The following HSD17B12 variants were observed in gnomAD, a reference collection of about 807,000 sequenced individuals.
The protein encoded by HSD17B12 is hydroxysteroid 17-beta dehydrogenase 12, also known as very-long-chain 3-oxoacyl-CoA reductase.
In HSD17B12, 32 loss-of-function variants were observed where a neutral mutation model predicts 39.3. The observed-to-expected ratio is 0.81, with a 90% CI of 0.61 to 1.09. HSD17B12 has a LOEUF of 1.09. Ranked by LOEUF, HSD17B12 falls within the 50% of genes least tolerant of loss-of-function variation. The pLI, the probability that HSD17B12 is intolerant of heterozygous loss-of-function variation, is 0.00. For missense variants in HSD17B12, 342 were observed against 382.9 expected, an observed-to-expected ratio of 0.89 and a Z score of 0.89; for synonymous variants, 150 against 146.7, an observed-to-expected ratio of 1.02 and a Z score of -0.16.
At chr11:43,562,038 G>A in the HSD17B12 span, among the ~76,000 whole-genome samples, 8 of 152,086 alleles carry the variant, frequency 5.3e-5, no homozygotes, top group Non-Finnish European at 8.8e-5. Context: ...AAATTATTTC[G>A]CTTCTTCGTA....
chr11:43,581,258 G>T, the HSD17B12 span: 2 of 454,926 alleles, frequency 4.4e-6, no homozygotes, highest in Admixed American at 2.4e-5. The surrounding 1 kb of genome is among the most constrained non-coding windows in gnomAD (Gnocchi z 4.9). Context: ...CCAGGGGCGC[G>T]GAGGGGCGGG....
chr11:43,633,515 G>A, the HSD17B12 span, among the ~76,000 whole-genome samples: 27,799 of 152,076 alleles, frequency 0.18, 3,032 homozygotes, highest in Middle Eastern at 0.27. Flanking sequence ...CTGGGTGACA[G>A]AGTGAGACCT....
intron 1 of HSD17B12, among the ~76,000 whole-genome samples, chr11:43,745,800 G>A (rs1024565512): frequency 3.9e-5 from 6 of 152,160 alleles, no homozygotes; most frequent in African/African-American, 1.2e-4. Flanking sequence ...GAAGGCCGAG[G>A]TGGGAGCATT....
the HSD17B12 span, among the ~76,000 whole-genome samples, chr11:43,573,106 A>C: frequency 6.6e-6 from 1 of 152,228 alleles, no homozygotes; most frequent in African/African-American, 2.4e-5. Flanking sequence ...TGGGGGAACG[A>C]GTCCTCCTCA....
chr11:43,679,011 T>C (rs1949716704), upstream of HSD17B12, among the ~76,000 whole-genome samples: 1 of 152,234 alleles, frequency 6.6e-6, no homozygotes. Context: ...ATTGAATCTA[T>C]ACATTACCTT....
intron 6 of HSD17B12, among the ~76,000 whole-genome samples, chr11:43,827,030 G>A (rs982162386): frequency 1.3e-5 from 2 of 152,144 alleles, no homozygotes; most frequent in African/African-American, 2.4e-5. Context: ...GTGTGGGTAC[G>A]TTTTTAGTTA....
intron 7 of HSD17B12, among the ~76,000 whole-genome samples, chr11:43,835,991 T>A (rs915515145): frequency 2.0e-5 from 3 of 152,220 alleles, no homozygotes; most frequent in African/African-American, 7.2e-5. Context: ...TTTAAGGGTC[T>A]GTTTTGATCA....
At chr11:43,821,845 T>C (rs920102085) in intron 6 of HSD17B12, among the ~76,000 whole-genome samples, 1 of 152,228 alleles carries the variant, frequency 6.6e-6, no homozygotes, top group African/African-American at 2.4e-5. Context: ...AATTTGGGGT[T>C]GCCTTGCTTT....
At chr11:43,713,413 A>G (rs1950089202) in intron 1 of HSD17B12, among the ~76,000 whole-genome samples, 1 of 151,810 alleles carries the variant, frequency 6.6e-6, no homozygotes, top group South Asian at 2.1e-4. Context: ...TTTGCTGAGA[A>G]TGATGGTTTC....
intron 1 of HSD17B12, among the ~76,000 whole-genome samples, chr11:43,702,076 A>T (rs1423970154): frequency 1.3e-5 from 2 of 152,056 alleles, no homozygotes; most frequent in African/African-American, 2.4e-5. Flanking sequence ...ATTTAATTTC[A>T]TGGGTAGCTA....
chr11:43,726,011 CT>C (rs1453551075), intron 1 of HSD17B12, among the ~76,000 whole-genome samples: 1 of 152,114 alleles, frequency 6.6e-6, no homozygotes, highest in Non-Finnish European at 1.5e-5. Flanking sequence ...GTTATTTTCA[CT>C]TTATGTAACA....
chr11:43,692,552 A>G (rs1214136180), intron 1 of HSD17B12, among the ~76,000 whole-genome samples: 1 of 152,220 alleles, frequency 6.6e-6, no homozygotes, highest in African/African-American at 2.4e-5. Flanking sequence ...ATTTGGTAGT[A>G]TATTTATTAT....
rs531947366 is a variant in HSD17B12 at position 43,819,981 on chromosome 11, A to T, written c.501+3590A>T. Reference sequence around the variant, plus strand: ...AACATGTGGAATCAATGGATCATGGAATTAATACCATCTGGAGGCTTAGCC... The same window carrying T: ...AACATGTGGAATCAATGGATCATGGTATTAATACCATCTGGAGGCTTAGCC... On this transcript the variant is annotated intron_variant, in intron 6 of 10. Coordinates refer to ENST00000278353, the MANE Select transcript of HSD17B12 (RefSeq NM_016142.3). Among the ~76,000 whole-genome samples the T allele has an allele frequency of 5.3e-5, 8 of 152,326 alleles. No homozygotes were observed. The South Asian group carries it at 1.7e-3, about 32-fold the overall frequency.
the HSD17B12 span, among the ~76,000 whole-genome samples, chr11:43,586,415 A>G: frequency 6.6e-6 from 1 of 152,024 alleles, no homozygotes; most frequent in Non-Finnish European, 1.5e-5. Context: ...CTTTCAAAAC[A>G]TTTGCTAGCA....
At chr11:43,608,483 A>G in the HSD17B12 span, among the ~76,000 whole-genome samples, 1 of 152,062 alleles carries the variant, frequency 6.6e-6, no homozygotes, top group Non-Finnish European at 1.5e-5. Context: ...TAACCCTACC[A>G]CCCAGAGCTA....
intron 1 of HSD17B12, among the ~76,000 whole-genome samples, chr11:43,725,275 T>C (rs1258288214): frequency 3.7e-4 from 57 of 152,230 alleles, no homozygotes; most frequent in Admixed American, 3.7e-3. Context: ...CTAAAATTGG[T>C]ATGTACTTCA....
the HSD17B12 span, among the ~76,000 whole-genome samples, chr11:43,566,537 T>C: frequency 1.5e-5 from 2 of 132,858 alleles, no homozygotes; most frequent in East Asian, 5.2e-4. Flanking sequence ...CCCAGAACTT[T>C]TTTTTTTTTT....
chr11:43,718,819 G>T, intron 1 of HSD17B12: 2 of 894,028 alleles, frequency 2.2e-6, no homozygotes, highest in Non-Finnish European at 1.9e-6. Flanking sequence ...CCTTCTGGTG[G>T]CCCAAGACAC....
intron 3 of HSD17B12, among the ~76,000 whole-genome samples, chr11:43,780,604 A>G (rs1485197064): frequency 6.6e-6 from 1 of 152,144 alleles, no homozygotes; most frequent in African/African-American, 2.4e-5. Flanking sequence ...CTTTCTAAGG[A>G]AAATGTTTAG....
Sources: allele counts gnomAD v4.1 joint callset (sites outside exome capture counted in the v4.1 genomes callset), GRCh38; gene constraint gnomAD v4.1.1; non-coding constraint Gnocchi (gnomAD v3.1); transcripts MANE v1.5; gene names NCBI Gene and HGNC (gene_info 2026-07-23, HGNC 2026-07-21).